ELF5: variants seen among roughly 807,000 people sequenced by gnomAD.
The protein encoded by ELF5 is ETS-related transcription factor Elf-5.
In ELF5, 31 loss-of-function variants were observed where a neutral mutation model predicts 38.2. That is an observed-to-expected ratio of 0.81 (90% CI 0.61 to 1.10). The LOEUF (loss-of-function observed/expected upper bound fraction) is 1.10, where lower values mean the gene tolerates loss of function less well. Among genes scored for constraint, ELF5 ranks in the 50% least tolerant of loss-of-function variants. ELF5 has a pLI of 0.00. For missense variants in ELF5, 300 were observed against 306.6 expected (o/e 0.98, Z 0.16); for synonymous variants, 121 against 112.5 (o/e 1.08, Z -0.48).
intron 2 of ELF5, among the ~76,000 whole-genome samples, chr11:34,498,680 A>G (rs1311308531): frequency 3.3e-5 from 5 of 152,212 alleles, no homozygotes; most frequent in East Asian, 3.8e-4. Flanking sequence ...ATTGAAAGTC[A>G]CATAATATTC....
At chr11:34,484,321 T>C (rs1857015770) in intron 4 of ELF5, among the ~76,000 whole-genome samples, 1 of 151,710 alleles carries the variant, frequency 6.6e-6, no homozygotes, top group African/African-American at 2.4e-5. Context: ...TACTGTACCA[T>C]ATATTGTATT....
At chr11:34,482,924 C>T (rs762809217) in intron 4 of ELF5, among the ~76,000 whole-genome samples, 3 of 152,014 alleles carry the variant, frequency 2.0e-5, no homozygotes, top group Non-Finnish European at 2.9e-5. Flanking sequence ...ACGTTAACTC[C>T]GTGCTGATTT....
At chr11:34,505,887 C>T (rs1346187591) in intron 1 of ELF5, 134 bp from the exon 2 acceptor site, 10 of 1,080,900 alleles carry the variant, frequency 9.3e-6, no homozygotes, top group South Asian at 1.9e-5. Context: ...GGAGCAGGCA[C>T]CGCCTAGTGT....
chr11:34,508,912 G>C (rs570965027), intron 1 of ELF5, among the ~76,000 whole-genome samples: 39 of 152,292 alleles, frequency 2.6e-4, no homozygotes, highest in African/African-American at 7.9e-4. Flanking sequence ...TGAGCCCCAA[G>C]GCACACTTAT....
chr11:34,490,480 G>A (rs1201780207), intron 3 of ELF5, among the ~76,000 whole-genome samples: 4 of 152,178 alleles, frequency 2.6e-5, no homozygotes, highest in Non-Finnish European at 5.9e-5. Context: ...GCTCCCCTGT[G>A]GCTAAGAGTC....
rs761068265 is a variant in ELF5 at position 34,480,721 on chromosome 11, T to C, written c.671+51A>G. ...CAGTGTAATTTTCTACAGCCAGCCA[T>C]TGTATATAACTCTTCTTGAAGGCTC... On this transcript the variant is annotated intron_variant, in intron 6 of 6. Coordinates refer to ENST00000257832, the MANE Select transcript of ELF5 (RefSeq NM_001422.4). 8.3e-6 allele frequency: 13 copies of C among 1,558,944 alleles called. No homozygotes were observed. In the African/African-American group the frequency reaches 1.7e-4, roughly 20 times the overall value.
At chr11:34,483,512 C>T (rs1195465358) in intron 4 of ELF5, among the ~76,000 whole-genome samples, 1 of 151,842 alleles carries the variant, frequency 6.6e-6, no homozygotes, top group African/African-American at 2.4e-5. Context: ...CTATACTGTT[C>T]TATACCACTC....
intron 2 of ELF5, 90 bp downstream of exon 2, chr11:34,505,539 C>T: frequency 1.3e-6 from 2 of 1,583,074 alleles, no homozygotes; most frequent in Non-Finnish European, 1.7e-6. Context: ...TAGGCCCCAG[C>T]ACAGCTTTGT....
At chr11:34,494,416 G>A (rs185808163) in intron 2 of ELF5, among the ~76,000 whole-genome samples, 286 of 152,306 alleles carry the variant, frequency 1.9e-3, no homozygotes, top group South Asian at 6.6e-3. Flanking sequence ...CAGTCCTTGC[G>A]TCACCATAGT....
At chr11:34,494,736 A>G (rs958430423) in intron 2 of ELF5, among the ~76,000 whole-genome samples, 1 of 152,216 alleles carries the variant, frequency 6.6e-6, no homozygotes, top group Non-Finnish European at 1.5e-5. Flanking sequence ...CTTTGACATA[A>G]ACAATTATTG....
At chr11:34,506,934 T>G (rs1850627586) in intron 1 of ELF5, among the ~76,000 whole-genome samples, 1 of 152,210 alleles carries the variant, frequency 6.6e-6, no homozygotes, top group Non-Finnish European at 1.5e-5. Context: ...GTGTGTTTGC[T>G]GCAATCTTAT....
chr11:34,501,071 C>T (rs150057755), intron 2 of ELF5, among the ~76,000 whole-genome samples: 47 of 152,346 alleles, frequency 3.1e-4, no homozygotes, highest in African/African-American at 9.4e-4. Flanking sequence ...GTAAGGCTCA[C>T]GGGTGTGACC....
At chr11:34,507,677 GA>G (rs1324491699) in intron 1 of ELF5, among the ~76,000 whole-genome samples, 2 of 152,180 alleles carry the variant, frequency 1.3e-5, no homozygotes, top group Non-Finnish European at 2.9e-5. Flanking sequence ...CCGCAATTCA[GA>G]AAAAATAATA....
chr11:34,487,647 G>A lies in ELF5; in HGVS notation c.406+2362C>T, dbSNP rs531909852. On this transcript the variant is annotated intron_variant, in intron 4 of 6. Coordinates refer to ENST00000257832, the MANE Select transcript of ELF5 (RefSeq NM_001422.4). ...GTGGTGAGTGATCTGGCCCTATCCTGCTCTCGGCCTCAGCTCCCACCCCTC... is the reference window on the plus strand; with the variant it reads ...GTGGTGAGTGATCTGGCCCTATCCTACTCTCGGCCTCAGCTCCCACCCCTC... Among the ~76,000 whole-genome samples, 17 of 152,226 alleles carry A rather than the reference G, an allele frequency of 1.1e-4. No individual in the cohort carries two copies. In the East Asian group the frequency reaches 2.3e-3, roughly 21 times the overall value.
Position 34,500,401 on chromosome 11 carries a change from C to T in ELF5, c.121+5228G>A, listed in dbSNP as rs1212610820. On this transcript the variant is annotated intron_variant, in intron 2 of 6. Coordinates refer to ENST00000257832, the MANE Select transcript of ELF5 (RefSeq NM_001422.4). ...TGGCTTTCAAGTTTCCTCCCAGAGC[C>T]AGTCCAGCTCCATCCCATACCCCTT... Among the ~76,000 whole-genome samples the T allele has an allele frequency of 2.0e-5, 3 of 152,186 alleles. No individual in the cohort carries two copies. In the East Asian group the frequency reaches 5.8e-4, roughly 29 times the overall value.
At chr11:34,493,793 G>T in intron 2 of ELF5, 81 bp from the exon 3 acceptor site, 1 of 1,223,836 alleles carries the variant, frequency 8.2e-7, no homozygotes, top group Non-Finnish European at 1.2e-6. Context: ...CATCAGTTAA[G>T]TAACATCCTC....
chr11:34,491,972 G>C (rs757584453), intron 3 of ELF5: 1 of 152,198 alleles, frequency 6.6e-6, no homozygotes, highest in Non-Finnish European at 1.5e-5. Context: ...CTGCACAAGA[G>C]CATGGAGACA....
chr11:34,481,029 A>T, intron 5 of ELF5, 62 bp from the exon 6 acceptor site: 1 of 1,285,218 alleles, frequency 7.8e-7, no homozygotes, highest in Non-Finnish European at 1.0e-6. Flanking sequence ...TAATTAATTA[A>T]TTAATTTTTT....
chr11:34,493,277 T>C (rs1590330531), intron 3 of ELF5: 1 of 615,966 alleles, frequency 1.6e-6, no homozygotes, highest in East Asian at 2.7e-5. Flanking sequence ...TGCACTCAAT[T>C]TGCATTTTTG....
Sources: allele counts gnomAD v4.1 joint callset (sites outside exome capture counted in the v4.1 genomes callset), GRCh38; gene constraint gnomAD v4.1.1; transcripts MANE v1.5; gene names NCBI Gene and HGNC (gene_info 2026-07-23, HGNC 2026-07-21).